The following TDRD9 variants were observed in gnomAD, a reference collection of about 807,000 sequenced individuals.
TDRD9 encodes tudor domain containing 9.
A neutral mutation model predicts 172.6 loss-of-function variants in TDRD9; 124 were observed. The observed-to-expected ratio is 0.72, with a 90% CI of 0.62 to 0.83. The LOEUF is 0.83. Ranked by LOEUF, TDRD9 falls within the 40% of genes least tolerant of loss-of-function variation. The probability of loss-of-function intolerance (pLI) is 0.00; values close to 1 mark genes in which losing one functional copy is unlikely to be tolerated. For missense variants in TDRD9, 1,479 were observed against 1,714.1 expected (o/e 0.86, Z 2.42); for synonymous variants, 619 against 617.1 (o/e 1.00, Z -0.05).
At chr14:103,961,512 G>A (rs1181904904) in intron 2 of TDRD9, among the ~76,000 whole-genome samples, 2 of 151,346 alleles carry the variant, frequency 1.3e-5, no homozygotes, top group Non-Finnish European at 2.9e-5. Flanking sequence ...GCAGTGAGCC[G>A]AGATCGCGCC....
intron 9 of TDRD9, among the ~76,000 whole-genome samples, chr14:103,992,460 A>G (rs2152199282): frequency 6.6e-6 from 1 of 152,294 alleles, no homozygotes; most frequent in South Asian, 2.1e-4. Context: ...GTGGTGTTGC[A>G]TGTGCCTTGG....
intron 1 of TDRD9, among the ~76,000 whole-genome samples, chr14:103,937,243 A>G (rs2030827568): frequency 1.3e-5 from 2 of 152,124 alleles, no homozygotes; most frequent in South Asian, 4.2e-4. Flanking sequence ...TCCATTGGGC[A>G]TCTCCTTGTC....
chr14:103,990,246 C>T (rs889532192), intron 8 of TDRD9, among the ~76,000 whole-genome samples: 2 of 152,320 alleles, frequency 1.3e-5, no homozygotes, highest in South Asian at 4.1e-4. Flanking sequence ...TAGTGGCTGC[C>T]GCCTGAGGTC....
intron 26 of TDRD9, 112 bp downstream of exon 26, chr14:104,025,888 C>T (rs1237666450): frequency 1.9e-6 from 2 of 1,063,482 alleles, no homozygotes; most frequent in African/African-American, 3.2e-5. Context: ...TTGCAGTTAG[C>T]AAAGTAGTCT....
intron 8 of TDRD9, among the ~76,000 whole-genome samples, chr14:103,987,919 G>A (rs544892675): frequency 6.6e-6 from 1 of 152,092 alleles, no homozygotes; most frequent in African/African-American, 2.4e-5. Flanking sequence ...TATGTATTTT[G>A]GTTCTCTGTT....
At chr14:103,990,154 G>C (rs1778563315) in intron 8 of TDRD9, among the ~76,000 whole-genome samples, 1 of 152,224 alleles carries the variant, frequency 6.6e-6, no homozygotes, top group African/African-American at 2.4e-5. Flanking sequence ...GGGTGGGGCT[G>C]TGATGCAGCA....
In TDRD9 at chr14:103,975,498, C is replaced by A; in HGVS notation, c.956C>A (p.Pro319His). 1 of 1,613,416 alleles carries A rather than the reference C, an allele frequency of 6.2e-7. No homozygotes were observed. The highest frequency in any genetic ancestry group is 8.5e-7 in the Non-Finnish European group (1 of 1,179,678). The change falls in exon 7 of 36, where the codon CCC becomes CAC. Residue 319 changes from proline to histidine, a missense_variant. Around this residue, in one of 3 missense-constraint regions of TDRD9, gnomAD observed 1,413 missense variants for 1,649.1 expected, o/e 0.86. Transcript: ENST00000409874. The part of the protein sequence containing the change: ...PAYIFEVEGK[P>H]HSVEEYYLND... ...TATATTTTTGAAGTGGAAGGCAAGC[C>A]CCATTCAGTTGAAGAGTATTATCTT...
chr14:103,977,633 T>TC lies in TDRD9; in HGVS notation c.1011+2080_1011+2081insC, dbSNP rs1249070303. ...CATTCACTCAGTTGATTTCTTTCTT[T>TC]TTTTTTTTTTTTTTGCTATGCAGAA... On this transcript the variant is annotated intron_variant, in intron 7 of 35. Transcript: ENST00000409874. 2.6e-3 allele frequency among the ~76,000 whole-genome samples: 381 copies of TC among 147,762 alleles called. 2 individuals carry two copies. The highest frequency in any genetic ancestry group is 4.0e-3 in the Non-Finnish European group (267 of 66,616).
rs562578099 is a variant in TDRD9 at position 104,043,511 on chromosome 14, G to A, written c.3974+1324G>A. Among the ~76,000 whole-genome samples the A allele has an allele frequency of 4.6e-5, 7 of 152,244 alleles. No homozygotes were observed. The South Asian group carries it at 1.0e-3, about 23-fold the overall frequency. On this transcript the variant is annotated intron_variant, in intron 34 of 35. Transcript: ENST00000409874. The stretch of plus-strand genomic sequence containing the variant: ...AGCCTCCCAAAGTGCTGGGATTACA[G>A]GTGTGAGCCACCATGCCTGGCCAGT...
At chr14:104,015,566 C>T (rs1413410859) in intron 21 of TDRD9, among the ~76,000 whole-genome samples, 1 of 152,150 alleles carries the variant, frequency 6.6e-6, no homozygotes, top group African/African-American at 2.4e-5. Flanking sequence ...TGCCCTAAAT[C>T]TGAGTGCTCC....
chr14:103,940,879 T>C, intron 1 of TDRD9: 1 of 1,535,424 alleles, frequency 6.5e-7, no homozygotes, highest in Non-Finnish European at 8.7e-7. Flanking sequence ...CTTTGTGTTT[T>C]TGTCTACGTA....
intron 1 of TDRD9, among the ~76,000 whole-genome samples, chr14:103,935,049 C>G (rs1043478365): frequency 3.9e-5 from 6 of 152,168 alleles, no homozygotes; most frequent in African/African-American, 7.2e-5. Context: ...TTTCCCTGAC[C>G]AAGAAGAAAC....
Position 104,006,470 on chromosome 14 carries a change from G to A in TDRD9, c.1795G>A (p.Ala599Thr), listed in dbSNP as rs1366412072. 2 of 1,613,802 alleles carry A rather than the reference G, an allele frequency of 1.2e-6. No homozygotes were observed. The highest frequency in any genetic ancestry group is 8.5e-7 in the Non-Finnish European group (1 of 1,179,720). The change falls in exon 16 of 36, where the codon GCC becomes ACC. Residue 599 changes from alanine (A) to threonine (T), a missense_variant. By Grantham distance (58) the Ala-to-Thr change is moderately conservative (BLOSUM62 0). Around this residue, in one of 3 missense-constraint regions of TDRD9, gnomAD observed 1,413 missense variants for 1,649.1 expected, o/e 0.86. Transcript: ENST00000409874. ...ATTGACCTTCTTAGGAAGAGTTTTA[G>A]CCCAACTTCCTGTAAATCAGCAACT... ...GELTFLGRVL[A>T]QLPVNQQLGK...
At chr14:103,931,885 G>T (rs1159442924) in intron 1 of TDRD9, among the ~76,000 whole-genome samples, 1 of 152,200 alleles carries the variant, frequency 6.6e-6, no homozygotes, top group African/African-American at 2.4e-5. Context: ...GCTCGGAGGG[G>T]CCACATGGAA....
At chr14:103,942,040 G>A in intron 1 of TDRD9, 1 of 225,522 alleles carries the variant, frequency 4.4e-6, no homozygotes, top group Non-Finnish European at 8.6e-6. Flanking sequence ...GGCAAGTGCT[G>A]CCTACAGATA....
At chr14:104,043,659 T>C (rs1267432992) in intron 34 of TDRD9, among the ~76,000 whole-genome samples, 1 of 152,162 alleles carries the variant, frequency 6.6e-6, no homozygotes. Context: ...GTAGCCACCA[T>C]CACTCCCTGC....
chr14:103,951,508 A>G (rs2031868386), intron 1 of TDRD9, among the ~76,000 whole-genome samples: 1 of 152,232 alleles, frequency 6.6e-6, no homozygotes, highest in African/African-American at 2.4e-5. Context: ...TAGAAAGGAT[A>G]TGGCTACCTT....
chr14:103,965,352 G>C lies in TDRD9; in HGVS notation c.440G>C (p.Ser147Thr). The C allele has an allele frequency of 6.4e-7, 1 of 1,551,722 alleles. No homozygotes were observed. Among genetic ancestry groups the C allele is most frequent in the Non-Finnish European group, 8.7e-7 (1 of 1,147,002 alleles). The change falls in exon 4 of 36, where the codon AGT (serine) becomes ACT (threonine). Residue 147 changes from serine (S) to threonine (T), a missense_variant. Physicochemically the swap from Ser to Thr is moderately conservative, Grantham distance 58. Coordinates refer to ENST00000409874, the MANE Select transcript of TDRD9 (RefSeq NM_153046.3). ...YKEEVVSLIE[S>T]NSVVIIHGAT... ...TTCTAGGTTGTGTCTTTGATAGAAAGTAATTCCGTGGTGATTATCCATGGG... is the reference window on the plus strand; with the variant it reads ...TTCTAGGTTGTGTCTTTGATAGAAACTAATTCCGTGGTGATTATCCATGGG...
chr14:103,949,046 A>T (rs974914512), intron 1 of TDRD9, among the ~76,000 whole-genome samples: 2 of 152,210 alleles, frequency 1.3e-5, no homozygotes, highest in African/African-American at 4.8e-5. Flanking sequence ...TTTAATGGGT[A>T]CAGAGATTGT....
Sources: gnomAD v4.1 joint callset for allele counts (sites outside exome capture counted in the v4.1 genomes callset) on GRCh38, gnomAD v4.1.1 for gene constraint, gnomAD v4.1.1 regional missense constraint, MANE v1.5 for transcripts, NCBI Gene and HGNC (gene_info 2026-07-23, HGNC 2026-07-21) for gene names.